Variants in PCDHGA10 observed in about 807,000 individuals in gnomAD.
PCDHGA10 encodes protocadherin gamma subfamily A, 10, also known as protocadherin gamma-A10.
A neutral mutation model predicts 59.5 loss-of-function variants in PCDHGA10; 42 were observed. The observed-to-expected ratio is 0.71, with a 90% CI of 0.55 to 0.91. The LOEUF (loss-of-function observed/expected upper bound fraction) is 0.91. Ranked by LOEUF, PCDHGA10 falls within the 40% of genes least tolerant of loss-of-function variation. The pLI, the probability that PCDHGA10 is intolerant of heterozygous loss-of-function variation, is 0.00. For missense variants in PCDHGA10, 1,111 were observed against 1,198.2 expected (o/e 0.93, Z 1.07); for synonymous variants, 511 against 517.2 (o/e 0.99, Z 0.16).
At position 141,485,074 on chromosome 5, in the gene PCDHGA10, G is replaced by T. The variant is rs2099606548; in HGVS notation, c.2437-9733G>T. On this transcript the variant is annotated intron_variant, in intron 1 of 3. Transcript: ENST00000398610. The surrounding 1 kb of genome is among the most constrained non-coding windows in gnomAD (Gnocchi z 5.7). ...GGCCGAACCGCGCCAGAGCTGGCGCGGGGAAAGGGAGATAGGTGTCTCCAG... is the reference window on the plus strand; with the variant it reads ...GGCCGAACCGCGCCAGAGCTGGCGCTGGGAAAGGGAGATAGGTGTCTCCAG... The T allele has an allele frequency of 2.2e-6, 2 of 926,946 alleles. No homozygotes were observed. The highest frequency in any genetic ancestry group is 3.4e-6 in the Non-Finnish European group (2 of 596,630). 57.4% of individuals were successfully genotyped at this position (926,946 alleles called of 1,614,324 possible). A position where few individuals can be genotyped will look rare whatever the true frequency, so the allele number is the denominator to read the frequency against.
intron 1 of PCDHGA10, chr5:141,423,165 C>G: frequency 6.2e-7 from 1 of 1,613,434 alleles, no homozygotes; most frequent in Non-Finnish European, 8.5e-7. Context: ...TCGTGGTGGC[C>G]GTCCAGGACC....
chr5:141,455,876 TTTA>T (rs1271603055), intron 1 of PCDHGA10, among the ~76,000 whole-genome samples: 2 of 146,624 alleles, frequency 1.4e-5, no homozygotes, highest in Non-Finnish European at 1.5e-5. Context: ...TATTTATTTA[TTTA>T]TTTATTTATT....
Position 141,451,083 on chromosome 5 carries a change from C to T in PCDHGA10, c.2436+35472C>T, listed in dbSNP as rs192869194. On this transcript the variant is annotated intron_variant, in intron 1 of 3. Coordinates refer to ENST00000398610, the MANE Select transcript of PCDHGA10 (RefSeq NM_018913.3). The stretch of plus-strand genomic sequence containing the variant: ...GACCTTGTGATCCACCCACCTTGAC[C>T]TCCCAAAGTGTTGGGATTACAGGCG... 4.9e-4 allele frequency among the ~76,000 whole-genome samples: 75 copies of T among 152,174 alleles called. 3 individuals carry two copies. In the East Asian group the frequency reaches 0.014, roughly 29 times the overall value.
At chr5:141,466,034 A>T (rs189202430) in intron 1 of PCDHGA10, among the ~76,000 whole-genome samples, 1,557 of 152,178 alleles carry the variant, frequency 0.01, 35 homozygotes, top group African/African-American at 0.035. Flanking sequence ...AGGCAGGAGA[A>T]CGGCATGAAC....
chr5:141,450,581 G>A (rs2098686464), intron 1 of PCDHGA10, among the ~76,000 whole-genome samples: 1 of 151,878 alleles, frequency 6.6e-6, no homozygotes, highest in Non-Finnish European at 1.5e-5. Context: ...CTGCCTCCCA[G>A]GTTCAAGCAA....
Position 141,489,857 on chromosome 5 carries a change from C to T in PCDHGA10, c.2437-4950C>T. 2 of 1,614,166 alleles carry T rather than the reference C, an allele frequency of 1.2e-6. No individual in the cohort carries two copies. On this transcript the variant is annotated intron_variant, in intron 1 of 3. Coordinates refer to ENST00000398610, the MANE Select transcript of PCDHGA10 (RefSeq NM_018913.3). This position sits in a 1 kb window ranked among gnomAD's most constrained non-coding sequence, Gnocchi z 4.5. ...CAGCAGCTGGATCGTGAAGCCCAGGCAAGACATCAGCTGGTGCTTACTGCT... is the reference window on the plus strand; with the variant it reads ...CAGCAGCTGGATCGTGAAGCCCAGGTAAGACATCAGCTGGTGCTTACTGCT...
rs781267293 is a variant in PCDHGA10 at position 141,489,926 on chromosome 5, C to T, written c.2437-4881C>T. 1.2e-6 allele frequency: 2 copies of T among 1,614,222 alleles called. No individual in the cohort carries two copies. The highest frequency in any genetic ancestry group is 2.2e-5 in the East Asian group (1 of 44,878). On this transcript the variant is annotated intron_variant, in intron 1 of 3. Coordinates refer to ENST00000398610, the MANE Select transcript of PCDHGA10 (RefSeq NM_018913.3). The surrounding 1 kb of genome is among the most constrained non-coding windows in gnomAD (Gnocchi z 4.5). Reference sequence around the variant, plus strand: ...GCCCGCTCAGGGACCACCCTTATCTCTGTCATCGTGCTGGACATCAATGAT... The same window carrying T: ...GCCCGCTCAGGGACCACCCTTATCTTTGTCATCGTGCTGGACATCAATGAT...
chr5:141,488,128 G>T (rs1412334197), intron 1 of PCDHGA10, among the ~76,000 whole-genome samples: 1 of 152,226 alleles, frequency 6.6e-6, no homozygotes, highest in Non-Finnish European at 1.5e-5. Context: ...ACAGCAGAAA[G>T]AGGAGAGAAC....
chr5:141,454,356 T>G (rs1461475653), intron 1 of PCDHGA10, among the ~76,000 whole-genome samples: 1 of 152,224 alleles, frequency 6.6e-6, no homozygotes, highest in East Asian at 1.9e-4. Context: ...TGATCCAAAC[T>G]TAGAAAGGAG....
At chr5:141,483,761 GA>G (rs1376816525) in intron 1 of PCDHGA10, among the ~76,000 whole-genome samples, 1 of 152,118 alleles carries the variant, frequency 6.6e-6, no homozygotes, top group African/African-American at 2.4e-5. Flanking sequence ...TCGAGGCTTG[GA>G]AAAATATTGG....
At chr5:141,418,463 C>G in intron 1 of PCDHGA10, 1 of 1,613,944 alleles carries the variant, frequency 6.2e-7, no homozygotes, top group South Asian at 1.1e-5. Context: ...GACTCTGGAC[C>G]GAGAAACGCA....
intron 1 of PCDHGA10, chr5:141,418,283 ATCAG>A: frequency 1.9e-6 from 3 of 1,613,996 alleles, no homozygotes; most frequent in Non-Finnish European, 2.5e-6. Context: ...AAACTTAGAA[ATCAG>A]TGAATCCGTC....
chr5:141,423,674 C>G (rs57195665), intron 1 of PCDHGA10: 15 of 1,514,742 alleles, frequency 9.9e-6, no homozygotes, highest in African/African-American at 2.9e-5. Flanking sequence ...AGATTTATTT[C>G]TCTGCCTCCT....
intron 1 of PCDHGA10, chr5:141,428,078 C>A (rs747287202): frequency 1.2e-6 from 2 of 1,609,216 alleles, no homozygotes; most frequent in Admixed American, 3.3e-5. Flanking sequence ...ATTCGGGACA[C>A]AACGCTTGGC....
intron 1 of PCDHGA10, 188 bp downstream of exon 1, chr5:141,415,799 C>T (rs1037967294): frequency 5.2e-6 from 7 of 1,335,782 alleles, no homozygotes; most frequent in Non-Finnish European, 6.7e-6. Context: ...CACCTAGTCT[C>T]AATCAAGGCC....
rs1236961370 is a variant in PCDHGA10, at chr5:141,512,621, C to T, written c.*1448C>T. 1 of 152,964 alleles carries T rather than the reference C, an allele frequency of 6.5e-6. No homozygotes were observed. The highest frequency in any genetic ancestry group is 1.5e-5 in the Non-Finnish European group (1 of 68,612). 9.5% of individuals were successfully genotyped at this position (152,964 alleles called of 1,614,324 possible). A position where few individuals can be genotyped will look rare whatever the true frequency, so the allele number is the denominator to read the frequency against. Reference sequence around the variant, plus strand: ...CCATCCAGCGGGGCTGCCAGAGAACCCCAGACCTGCCCTTACAGTAGTGTA... The same window carrying T: ...CCATCCAGCGGGGCTGCCAGAGAACTCCAGACCTGCCCTTACAGTAGTGTA... On this transcript the variant is annotated 3_prime_UTR_variant, in exon 4 of 4. Coordinates refer to ENST00000398610, the MANE Select transcript of PCDHGA10 (RefSeq NM_018913.3).
In PCDHGA10 at chr5:141,419,475, C is replaced by T. The variant is rs775720158; in HGVS notation, c.2436+3864C>T. On this transcript the variant is annotated intron_variant, in intron 1 of 3. Coordinates refer to ENST00000398610, the MANE Select transcript of PCDHGA10 (RefSeq NM_018913.3). Reference sequence around the variant, plus strand: ...ACGCTGCAGGCCCGCGACCAGGGCTCGCCCGCGCTCAGCGCCAATGTGAGC... The same window carrying T: ...ACGCTGCAGGCCCGCGACCAGGGCTTGCCCGCGCTCAGCGCCAATGTGAGC... The T allele has an allele frequency of 4.6e-5, 74 of 1,612,266 alleles. No homozygotes were observed. The highest frequency in any genetic ancestry group is 5.9e-5 in the Non-Finnish European group (70 of 1,179,514).
At chr5:141,479,561 G>A (rs1032137833) in intron 1 of PCDHGA10, 1 of 152,270 alleles carries the variant, frequency 6.6e-6, no homozygotes, top group African/African-American at 2.4e-5. Context: ...CTATCCAGTA[G>A]TGGGATGACA....
At chr5:141,418,599 A>G in intron 1 of PCDHGA10, 1 of 1,614,054 alleles carries the variant, frequency 6.2e-7, no homozygotes, top group South Asian at 1.1e-5. Flanking sequence ...CAGGACGTGT[A>G]CAGGGTTAGC....
Sources: gnomAD v4.1 joint callset for allele counts (sites outside exome capture counted in the v4.1 genomes callset) on GRCh38, gnomAD v4.1.1 for gene constraint, Gnocchi (gnomAD v3.1) non-coding constraint, MANE v1.5 for transcripts, NCBI Gene and HGNC (gene_info 2026-07-23, HGNC 2026-07-21) for gene names.